AKT3: variants seen among roughly 807,000 people sequenced by gnomAD.
AKT3 encodes RAC-gamma serine/threonine-protein kinase.
A neutral mutation model predicts 65.3 loss-of-function variants in AKT3; 15 were observed. That is an observed-to-expected ratio of 0.23 (90% CI 0.15 to 0.35). AKT3 has a LOEUF of 0.35. Among genes scored for constraint, AKT3 ranks in the 10% least tolerant of loss-of-function variants. AKT3 has a pLI of 1.00. For synonymous variants in AKT3, 206 were observed against 183.8 expected, an observed-to-expected ratio of 1.12 and a Z score of -0.98; for missense variants, 243 against 576.5, an observed-to-expected ratio of 0.42 and a Z score of 5.92.
intron 2 of AKT3, among the ~76,000 whole-genome samples, chr1:243,828,782 C>T (rs181457735): frequency 2.0e-4 from 30 of 152,162 alleles, no homozygotes; most frequent in Admixed American, 1.6e-3. Flanking sequence ...AAGTGATTTG[C>T]GCATTTTTGA....
chr1:243,527,924 CACACACACACACAGAG>C lies in AKT3; in HGVS notation c.1252-15514_1252-15499del, dbSNP rs1201796470. On this transcript the variant is annotated intron_variant, in intron 12 of 13. Coordinates refer to ENST00000673466, the MANE Select transcript of AKT3 (RefSeq NM_005465.7). ...ACACACACACACACACACACACACACACACACACACACAGAGAGAGAGAGAGAGAGAGAGAATTTGA... is the reference window on the plus strand; with the variant it reads ...ACACACACACACACACACACACACACAGAGAGAGAGAGAGAGAGAATTTGA... 1.8e-3 allele frequency among the ~76,000 whole-genome samples: 128 copies of C among 71,406 alleles called. 3 individuals carry two copies. The highest frequency in any genetic ancestry group is 6.2e-3 in the Middle Eastern group (1 of 162). The allele number at this position is 71,406 out of a possible 152,430, so 46.8% of individuals were successfully genotyped here.
At chr1:243,796,816 G>A (rs1357875129) in intron 2 of AKT3, among the ~76,000 whole-genome samples, 1 of 152,114 alleles carries the variant, frequency 6.6e-6, no homozygotes, top group East Asian at 1.9e-4. Context: ...GGAAGGAGAT[G>A]CGGACATGTG....
intron 2 of AKT3, among the ~76,000 whole-genome samples, chr1:243,715,962 C>T (rs1235411149): frequency 6.6e-6 from 1 of 152,056 alleles, no homozygotes; most frequent in Non-Finnish European, 1.5e-5. Flanking sequence ...GGTGTTGTTA[C>T]ACCATTTGAT....
chr1:243,719,823 C>T (rs150240486), intron 2 of AKT3, among the ~76,000 whole-genome samples: 46 of 152,278 alleles, frequency 3.0e-4, no homozygotes, highest in African/African-American at 1.0e-3. Context: ...GGCCAGAACT[C>T]AGTCGTATGG....
In AKT3 at chr1:243,642,589, G is replaced by A. The variant is rs145516545; in HGVS notation, c.429+3304C>T. 5.7e-3 allele frequency among the ~76,000 whole-genome samples: 865 copies of A among 152,302 alleles called. 11 individuals are homozygous for A. The highest frequency in any genetic ancestry group is 0.02 in the African/African-American group (812 of 41,566). On this transcript the variant is annotated intron_variant, in intron 5 of 13. Transcript: ENST00000673466. ...CTCCCAAAGTGCTGGGATTACAGGC[G>A]TGAGCCACCACGCCCAGCCACAGTA...
At chr1:243,613,136 T>C in intron 8 of AKT3, 1 of 144,884 alleles carries the variant, frequency 6.9e-6, no homozygotes, top group South Asian at 2.2e-4. Context: ...TATACATATA[T>C]ACATACATAT....
chr1:243,798,325 C>A (rs551923946), intron 2 of AKT3, among the ~76,000 whole-genome samples: 2 of 150,630 alleles, frequency 1.3e-5, no homozygotes, highest in Admixed American at 1.3e-4. Context: ...GATCCTCCCA[C>A]CTCAGCCTCC....
chr1:243,850,899 G>A (rs1162229640), upstream of AKT3: 1 of 152,086 alleles, frequency 6.6e-6, no homozygotes, highest in Non-Finnish European at 1.5e-5. Context: ...GGCACCCGAG[G>A]CCCGGGAGCG....
rs991778349 is a variant in AKT3 at position 243,779,309 on chromosome 1, T to C, written c.46+63816A>G. On this transcript the variant is annotated intron_variant, in intron 2 of 13. Transcript: ENST00000673466. ...GTTTGATATATATTGTCAAACCGTC[T>C]CTAAAGTTTGTAGGGACTCCTACAG... is the stretch of plus-strand genomic sequence containing the variant. 2.0e-5 allele frequency among the ~76,000 whole-genome samples: 3 copies of C among 152,114 alleles called. No homozygotes were observed. The South Asian group carries it at 6.2e-4, about 32-fold the overall frequency.
At chr1:243,783,712 G>A (rs1691060211) in intron 2 of AKT3, among the ~76,000 whole-genome samples, 1 of 152,122 alleles carries the variant, frequency 6.6e-6, no homozygotes, top group Non-Finnish European at 1.5e-5. Flanking sequence ...CTGACTGCTT[G>A]AATAGTCTAT....
intron 1 of AKT3, 29 bp from the exon 2 acceptor site, chr1:243,843,311 T>C: frequency 7.2e-7 from 1 of 1,390,784 alleles, no homozygotes; most frequent in Non-Finnish European, 9.4e-7. Flanking sequence ...GAAAGAATTT[T>C]TTTTCCATTC....
In AKT3 at chr1:243,651,261, C is replaced by T. The variant is rs185522371; in HGVS notation, c.285-5224G>A. Among the ~76,000 whole-genome samples the T allele has an allele frequency of 1.1e-4, 16 of 152,186 alleles. No homozygotes were observed. In the East Asian group the frequency reaches 2.1e-3, roughly 20 times the overall value. On this transcript the variant is annotated intron_variant, in intron 4 of 13. Coordinates refer to ENST00000673466, the MANE Select transcript of AKT3 (RefSeq NM_005465.7). Reference sequence around the variant, plus strand: ...TTGATTTTGTATCCTGAGACTTTGCCGAAGTTGCATATCAGCTTAAGGAGA... The same window carrying T: ...TTGATTTTGTATCCTGAGACTTTGCTGAAGTTGCATATCAGCTTAAGGAGA...
chr1:243,786,078 T>C (rs531377766), intron 2 of AKT3, among the ~76,000 whole-genome samples: 1 of 152,344 alleles, frequency 6.6e-6, no homozygotes, highest in Non-Finnish European at 1.5e-5. Flanking sequence ...GTTAGGATTT[T>C]TTCTTCTTCA....
rs184245707 is a variant in AKT3 at position 243,608,247 on chromosome 1, T to G, written c.696+5424A>C. Among the ~76,000 whole-genome samples the G allele has an allele frequency of 1.7e-3, 255 of 152,290 alleles. 2 individuals are homozygous for G. Among genetic ancestry groups the G allele is most frequent in the Admixed American group, 6.7e-3 (102 of 15,302 alleles). Reference sequence around the variant, plus strand: ...ACCATTGTGCTATCCATCATTGACTTCAACATTGCTACATGGCATGTGACT... The same window carrying G: ...ACCATTGTGCTATCCATCATTGACTGCAACATTGCTACATGGCATGTGACT... On this transcript the variant is annotated intron_variant, in intron 8 of 13. Transcript: ENST00000673466.
chr1:243,721,279 ATACCTGGGAGGAAGAAACAT>A (rs1441214348), intron 2 of AKT3, among the ~76,000 whole-genome samples: 4 of 152,156 alleles, frequency 2.6e-5, no homozygotes, highest in African/African-American at 9.7e-5. Flanking sequence ...GTCCTGTCCC[ATACCTGGGAGGAAGAAACAT>A]TACAAGAGAG....
At chr1:243,842,607 C>T (rs556301650) in intron 2 of AKT3, among the ~76,000 whole-genome samples, 5 of 152,178 alleles carry the variant, frequency 3.3e-5, no homozygotes, top group Non-Finnish European at 5.9e-5. Context: ...CACAAAAAAT[C>T]CTTGTCCTCA....
At chr1:243,670,523 G>C (rs983644940) in intron 3 of AKT3, among the ~76,000 whole-genome samples, 1 of 152,150 alleles carries the variant, frequency 6.6e-6, no homozygotes, top group East Asian at 1.9e-4. Flanking sequence ...TTTTGGTTAC[G>C]TAAAGATTCC....
chr1:243,649,200 T>C (rs1190685548), intron 4 of AKT3, among the ~76,000 whole-genome samples: 1 of 152,070 alleles, frequency 6.6e-6, no homozygotes, highest in Non-Finnish European at 1.5e-5. Context: ...TCTATTGTCT[T>C]ACTGTTATTG....
intron 2 of AKT3, among the ~76,000 whole-genome samples, chr1:243,797,008 G>A (rs1692061854): frequency 6.6e-6 from 1 of 152,124 alleles, no homozygotes; most frequent in Non-Finnish European, 1.5e-5. Flanking sequence ...TGGCTGCAGA[G>A]TTTCAGTTTC....
Sources: allele counts gnomAD v4.1 joint callset (sites outside exome capture counted in the v4.1 genomes callset), GRCh38; gene constraint gnomAD v4.1.1; transcripts MANE v1.5; gene names NCBI Gene and HGNC (gene_info 2026-07-23, HGNC 2026-07-21).